Variants in TBC1D5 observed in about 807,000 individuals in gnomAD.
TBC1D5 encodes TBC1 domain family member 5.
In TBC1D5, 75 loss-of-function variants were observed where a neutral mutation model predicts 100.3. That is an observed-to-expected ratio of 0.75 (90% confidence interval 0.62 to 0.91). The LOEUF is 0.91. Among genes scored for constraint, TBC1D5 ranks in the 40% least tolerant of loss-of-function variants. The pLI, the probability that TBC1D5 is intolerant of heterozygous loss-of-function variation, is 0.00. For synonymous variants in TBC1D5, 323 were observed against 325.6 expected (o/e 0.99, Z 0.09); for missense variants, 910 against 942.4 (o/e 0.97, Z 0.45).
intron 1 of TBC1D5, chr3:17,705,953 C>A: frequency 7.6e-7 from 1 of 1,312,342 alleles, no homozygotes; most frequent in Non-Finnish European, 1.0e-6. Flanking sequence ...CCGCTGCCTC[C>A]CGGGCGGCGC....
intron 4 of TBC1D5, among the ~76,000 whole-genome samples, chr3:17,427,239 C>T (rs753994523): frequency 6.6e-6 from 1 of 151,826 alleles, no homozygotes; most frequent in African/African-American, 2.4e-5. Flanking sequence ...GGAACATAAG[C>T]CTTTTGTAGT....
At chr3:17,647,994 G>A (rs1179782844) in intron 1 of TBC1D5, among the ~76,000 whole-genome samples, 3 of 152,010 alleles carry the variant, frequency 2.0e-5, no homozygotes, top group South Asian at 2.1e-4. Context: ...TTTAAAATTC[G>A]TATGAAACTA....
chr3:17,563,705 C>T (rs946230700), intron 2 of TBC1D5, among the ~76,000 whole-genome samples: 3 of 152,082 alleles, frequency 2.0e-5, no homozygotes, highest in Non-Finnish European at 2.9e-5. Context: ...AAGGACATAT[C>T]CAAGTAAGAA....
At chr3:17,429,946 A>G (rs1216615759) in intron 3 of TBC1D5, among the ~76,000 whole-genome samples, 1 of 134,548 alleles carries the variant, frequency 7.4e-6, no homozygotes, top group East Asian at 1.9e-4. Flanking sequence ...AAAAAATCCT[A>G]AAATGGATTA....
chr3:17,500,403 G>A (rs766428032), intron 3 of TBC1D5, among the ~76,000 whole-genome samples: 5 of 149,476 alleles, frequency 3.3e-5, no homozygotes, highest in African/African-American at 7.6e-5. Flanking sequence ...ACATTAAAGC[G>A]TAAGAATATT....
chr3:17,686,618 C>T (rs576843155), intron 1 of TBC1D5, among the ~76,000 whole-genome samples: 16 of 152,272 alleles, frequency 1.1e-4, no homozygotes, highest in Non-Finnish European at 2.2e-4. Flanking sequence ...GAAAGATCCA[C>T]ATTTTGCCTA....
At chr3:17,374,895 C>A (rs1319488834) in intron 10 of TBC1D5, among the ~76,000 whole-genome samples, 1 of 152,148 alleles carries the variant, frequency 6.6e-6, no homozygotes, top group East Asian at 1.9e-4. Context: ...CTCTATGCGA[C>A]ATGAACTATC....
chr3:17,601,656 G>C (rs1454663092), intron 2 of TBC1D5, among the ~76,000 whole-genome samples: 1 of 152,128 alleles, frequency 6.6e-6, no homozygotes, highest in Admixed American at 6.5e-5. Flanking sequence ...AGATATCCTA[G>C]ACTCCACTTT....
chr3:17,632,181 G>T (rs1020445427), intron 1 of TBC1D5, among the ~76,000 whole-genome samples: 2 of 152,194 alleles, frequency 1.3e-5, no homozygotes, highest in South Asian at 4.1e-4. Context: ...CCTCACGGAT[G>T]ACTTGAAGGA....
At chr3:17,214,062 T>C (rs969540419) in intron 18 of TBC1D5, 145 bp downstream of exon 19, 1 of 780,850 alleles carries the variant, frequency 1.3e-6, no homozygotes, top group Non-Finnish European at 1.8e-6. Flanking sequence ...AGTAAAATAA[T>C]AAAATACTTT....
chr3:17,444,086 G>A (rs1485673954), intron 3 of TBC1D5, among the ~76,000 whole-genome samples: 1 of 151,998 alleles, frequency 6.6e-6, no homozygotes, highest in African/African-American at 2.4e-5. Context: ...AAATAAAAAT[G>A]AGATTATAAC....
exon 18 of TBC1D5, chr3:17,214,291 A>T: frequency 6.2e-7 from 1 of 1,613,478 alleles, no homozygotes; most frequent in Non-Finnish European, 8.5e-7. Context: ...TAGCAGATGA[A>T]GGTGGAGAGC....
At chr3:17,510,113 A>T (rs910388616) in intron 2 of TBC1D5, among the ~76,000 whole-genome samples, 2 of 152,030 alleles carry the variant, frequency 1.3e-5, no homozygotes, top group African/African-American at 4.8e-5. Context: ...AAGAGAAAAA[A>T]GAAGTGGTAA....
chr3:17,461,964 C>G (rs2095219440), intron 3 of TBC1D5, among the ~76,000 whole-genome samples: 1 of 152,156 alleles, frequency 6.6e-6, no homozygotes, highest in Non-Finnish European at 1.5e-5. Context: ...CTCCAATTCC[C>G]TCTGAATCTT....
At chr3:17,244,377 C>T (rs1281455845) in intron 16 of TBC1D5, among the ~76,000 whole-genome samples, 1 of 152,172 alleles carries the variant, frequency 6.6e-6, no homozygotes, top group Non-Finnish European at 1.5e-5. Context: ...AGTATAGGAC[C>T]TTGAGAAATG....
chr3:17,445,765 T>C lies in TBC1D5; in HGVS notation c.98-17246A>G, dbSNP rs371527946. On this transcript the variant is annotated intron_variant, in intron 3 of 21. Transcript: ENST00000253692. ...AAACTTTATCATAGGTATGTACGTA[T>C]AGCAAAAAACACAGTATATATAGGG... 1.0e-3 allele frequency among the ~76,000 whole-genome samples: 156 copies of C among 152,322 alleles called. 2 individuals carry two copies. In the South Asian group the frequency reaches 0.018, roughly 18 times the overall value.
At chr3:17,217,645 G>A (rs1247799041) in intron 17 of TBC1D5, among the ~76,000 whole-genome samples, 3 of 151,964 alleles carry the variant, frequency 2.0e-5, no homozygotes, top group African/African-American at 7.2e-5. Context: ...CATCTTTTCA[G>A]GTGCTTATTA....
At chr3:17,394,365 G>T (rs964563606) in intron 8 of TBC1D5, among the ~76,000 whole-genome samples, 1 of 152,054 alleles carries the variant, frequency 6.6e-6, no homozygotes, top group Non-Finnish European at 1.5e-5. Context: ...TAGAGTAATG[G>T]AAAAACAGAA....
chr3:17,494,554 C>A (rs2095680192), intron 3 of TBC1D5, among the ~76,000 whole-genome samples: 1 of 152,242 alleles, frequency 6.6e-6, no homozygotes, highest in Non-Finnish European at 1.5e-5. Context: ...AGCTGCCCCT[C>A]CCACCAGGGG....
Sources: gnomAD v4.1 joint callset for allele counts (sites outside exome capture counted in the v4.1 genomes callset) on GRCh38, gnomAD v4.1.1 for gene constraint, MANE v1.5 for transcripts, NCBI Gene and HGNC (gene_info 2026-07-23, HGNC 2026-07-21) for gene names.